The following MPDZ variants were observed in gnomAD, a reference collection of about 807,000 sequenced individuals.
MPDZ encodes the protein multiple PDZ domain protein.
Under a neutral mutation model 239.1 loss-of-function variants are expected in MPDZ, and 234 were observed. The ratio of observed to expected loss-of-function variants is 0.98; its 90% CI spans 0.88 to 1.09. The LOEUF is 1.09. MPDZ is among the 50% of genes least tolerant of loss of function. The pLI is 0.00. For synonymous variants in MPDZ, 1,048 were observed against 881.3 expected (o/e 1.19, Z -3.35); for missense variants, 3,175 against 2,510.0 (o/e 1.26, Z -5.66).
intron 32 of MPDZ, among the ~76,000 whole-genome samples, chr9:13,130,318 A>G (rs1414430033): frequency 1.3e-5 from 2 of 152,224 alleles, no homozygotes; most frequent in East Asian, 3.8e-4. Context: ...AAACAGAACT[A>G]GAAATGAGCT....
At chr9:13,136,326 T>A in intron 30 of MPDZ, 144 bp from the exon 31 acceptor site, 23 of 141,634 alleles carry the variant, frequency 1.6e-4, no homozygotes, top group Non-Finnish European at 1.6e-4. Flanking sequence ...AAACGTTTTC[T>A]TTTTTTTTTT....
chr9:13,247,904 T>C (rs967877548), intron 2 of MPDZ, 103 bp from the exon 3 acceptor site: 8 of 1,092,520 alleles, frequency 7.3e-6, no homozygotes, highest in Admixed American at 4.6e-5. Flanking sequence ...TTCTATTGAG[T>C]GCATAAAATT....
Position 13,143,471 on chromosome 9 carries a change from C to T in MPDZ, c.3835G>A (p.Asp1279Asn), listed in dbSNP as rs375691479. 1.2e-5 allele frequency: 20 copies of T among 1,610,484 alleles called. No individual in the cohort carries two copies. The highest frequency in any genetic ancestry group is 5.0e-5 in the Admixed American group (3 of 59,922). Residue 1279 changes from aspartate to asparagine, a missense_variant, in exon 27 of 47, where the codon GAC becomes AAC. Asp to Asn is a conservative substitution (Grantham distance 23, BLOSUM62 1). Transcript: ENST00000319217. ...GACAATGGGCATTATCCAACCTTGT[C>T]GGCGTTGATTTGTAGAGAGTCAGCA... ...PFADSLQINADKAPSQSESEP... is the reference protein window; with the variant it reads ...PFADSLQINANKAPSQSESEP...
chr9:13,142,653 G>T (rs927086661), intron 27 of MPDZ, among the ~76,000 whole-genome samples: 10 of 152,008 alleles, frequency 6.6e-5, no homozygotes, highest in East Asian at 5.8e-4. Context: ...GGAGCAAAAG[G>T]GTTAGTTGGG....
chr9:13,249,756 C>T (rs1967422597), intron 2 of MPDZ, among the ~76,000 whole-genome samples: 1 of 152,120 alleles, frequency 6.6e-6, no homozygotes, highest in South Asian at 2.1e-4. Flanking sequence ...TTCTTTAAAA[C>T]TAAAGAGCAG....
intron 25 of MPDZ, among the ~76,000 whole-genome samples, chr9:13,149,093 C>T (rs1019966500): frequency 4.0e-5 from 6 of 151,562 alleles, no homozygotes; most frequent in African/African-American, 1.5e-4. Flanking sequence ...TAGGTAGTGT[C>T]CTAAATAAAA....
At position 13,176,497 on chromosome 9, in the gene MPDZ, G is replaced by A. The variant is rs1047252783; in HGVS notation, c.2650-80C>T. On this transcript the variant is annotated intron_variant, in intron 19 of 46. Transcript: ENST00000319217. ...TCAATATATAACATCACTTCTTAAT[G>A]AACAACTATTTAGTGAAATGTAAAA... The A allele has an allele frequency of 2.7e-6, 3 of 1,107,814 alleles. No homozygotes were observed. The African/African-American group carries it at 4.7e-5, about 18-fold the overall frequency. 68.6% of individuals were successfully genotyped at this position (1,107,814 alleles called of 1,614,324 possible).
chr9:13,215,065 T>C (rs1958124308), intron 10 of MPDZ, among the ~76,000 whole-genome samples: 1 of 151,856 alleles, frequency 6.6e-6, no homozygotes, highest in South Asian at 2.1e-4. Context: ...GTGCAACAGG[T>C]CTCCGGAATT....
At chr9:13,203,592 T>G (rs1490656398) in intron 12 of MPDZ, among the ~76,000 whole-genome samples, 2 of 152,068 alleles carry the variant, frequency 1.3e-5, no homozygotes, top group Non-Finnish European at 2.9e-5. Flanking sequence ...GAAGAGGCAA[T>G]AATATCTTAC....
intron 23 of MPDZ, among the ~76,000 whole-genome samples, chr9:13,161,256 G>A (rs1361475731): frequency 6.6e-6 from 1 of 152,030 alleles, no homozygotes; most frequent in African/African-American, 2.4e-5. Flanking sequence ...GTTCTGGGAT[G>A]TTCTGACATC....
intron 45 of MPDZ, among the ~76,000 whole-genome samples, chr9:13,109,608 C>T (rs12000316): frequency 0.11 from 17,148 of 151,946 alleles, 1,308 homozygotes; most frequent in African/African-American, 0.2. Context: ...ATAGGCAGTG[C>T]GGGAAATTTT....
intron 2 of MPDZ, among the ~76,000 whole-genome samples, chr9:13,249,212 T>C (rs1967226907): frequency 6.6e-6 from 1 of 151,976 alleles, no homozygotes; most frequent in Non-Finnish European, 1.5e-5. Flanking sequence ...GAGCATCTTA[T>C]TCTGTTATAT....
chr9:13,227,438 T>G (rs1011661458), intron 3 of MPDZ, among the ~76,000 whole-genome samples: 9 of 151,910 alleles, frequency 5.9e-5, no homozygotes, highest in African/African-American at 2.2e-4. Context: ...GACACGCAGC[T>G]CAGGTTGAAG....
At chr9:13,221,341 A>C in intron 7 of MPDZ, 31 bp downstream of exon 7, 1 of 1,563,302 alleles carries the variant, frequency 6.4e-7, no homozygotes, top group South Asian at 1.2e-5. Context: ...ATTTGATAAA[A>C]TAGCATAAAA....
intron 22 of MPDZ, among the ~76,000 whole-genome samples, chr9:13,163,177 G>A (rs375894132): frequency 1.3e-5 from 2 of 152,030 alleles, no homozygotes; most frequent in South Asian, 4.1e-4. Flanking sequence ...AAAGATTTCT[G>A]GGATCTCTAG....
intron 1 of MPDZ, among the ~76,000 whole-genome samples, chr9:13,271,950 T>A (rs1240044598): frequency 6.6e-6 from 1 of 151,732 alleles, no homozygotes; most frequent in Non-Finnish European, 1.5e-5. Flanking sequence ...TAATCTACAG[T>A]GACATAAAGC....
intron 24 of MPDZ, among the ~76,000 whole-genome samples, chr9:13,154,833 A>T (rs924930491): frequency 6.6e-6 from 1 of 152,166 alleles, no homozygotes; most frequent in African/African-American, 2.4e-5. Flanking sequence ...CACCCATTAG[A>T]TTGACAAAAA....
At chr9:13,133,722 T>G in intron 32 of MPDZ, 102 bp downstream of exon 32, 1 of 739,368 alleles carries the variant, frequency 1.4e-6, no homozygotes. Flanking sequence ...CAGATGATGC[T>G]GATGCTGTTA....
Position 13,217,210 on chromosome 9 carries a change from T to C in MPDZ, c.1171A>G (p.Ile391Val). The C allele has an allele frequency of 1.3e-6, 2 of 1,598,790 alleles. No homozygotes were observed. Among genetic ancestry groups the C allele is most frequent in the South Asian group, 1.1e-5 (1 of 87,342 alleles). Residue 391 changes from isoleucine to valine, a missense_variant, in exon 9 of 47, where the codon ATT becomes GTT. Coordinates refer to ENST00000319217, the MANE Select transcript of MPDZ (RefSeq NM_001378778.1). ...TKNVQGLGIT[I>V]AGYIGDKKLE... ...TTTTTATCTCCAATGTAGCCAGCAA[T>C]GGTAATTCCTAATCCTTGGACATTT...
Sources: gnomAD v4.1 joint callset for allele counts (sites outside exome capture counted in the v4.1 genomes callset) on GRCh38, gnomAD v4.1.1 for gene constraint, MANE v1.5 for transcripts, NCBI Gene and HGNC (gene_info 2026-07-23, HGNC 2026-07-21) for gene names.